LINGO2: variants seen among roughly 807,000 people sequenced by gnomAD.
LINGO2 encodes leucine-rich repeat and immunoglobulin-like domain-containing nogo receptor-interacting protein 2.
In LINGO2, 14 loss-of-function variants were observed where a neutral mutation model predicts 30.6. That is an observed-to-expected ratio of 0.46 (90% CI 0.30 to 0.72). LINGO2 has a LOEUF of 0.72. Among genes scored for constraint, LINGO2 ranks in the 30% least tolerant of loss-of-function variants. LINGO2 has a pLI of 0.07. For missense variants in LINGO2, 729 were observed against 751.7 expected (o/e 0.97, Z 0.35); for synonymous variants, 317 against 288.5 (o/e 1.10, Z -1.00).
In LINGO2 at chr9:28,561,954, G is replaced by A. The variant is rs187449732; in HGVS notation, c.-364-85929C>T. ...GCTCTCTGCTTTTCAATTTGTACTCGCTGAACTTCTATTTTTTAAACTGAA... is the reference window on the plus strand; with the variant it reads ...GCTCTCTGCTTTTCAATTTGTACTCACTGAACTTCTATTTTTTAAACTGAA... On this transcript the variant is annotated intron_variant, in intron 1 of 5. Coordinates refer to ENST00000379992, the Ensembl canonical transcript of LINGO2. Among the ~76,000 whole-genome samples, 344 of 151,160 alleles carry A rather than the reference G, an allele frequency of 2.3e-3. 2 individuals carry two copies. The highest frequency in any genetic ancestry group is 8.0e-3 in the African/African-American group (331 of 41,292).
intron 1 of LINGO2, among the ~76,000 whole-genome samples, chr9:28,557,988 G>A (rs1356192589): frequency 8.3e-6 from 1 of 120,872 alleles, no homozygotes; most frequent in East Asian, 2.6e-4. Flanking sequence ...ACACTCTGGG[G>A]ACTGTGGTGG....
intron 1 of LINGO2, among the ~76,000 whole-genome samples, chr9:28,552,650 T>G (rs1026735575): frequency 2.6e-5 from 4 of 151,842 alleles, no homozygotes; most frequent in Non-Finnish European, 5.9e-5. Context: ...TATGATTTTT[T>G]TTTTTCATGA....
the LINGO2 span, among the ~76,000 whole-genome samples, chr9:28,866,982 C>T: frequency 6.6e-6 from 1 of 152,022 alleles, no homozygotes; most frequent in Non-Finnish European, 1.5e-5. Flanking sequence ...TCAACCCACA[C>T]AAGCAAGAAA....
At chr9:28,725,239 A>G in the LINGO2 span, among the ~76,000 whole-genome samples, 50 of 152,202 alleles carry the variant, frequency 3.3e-4, no homozygotes, top group Non-Finnish European at 5.7e-4. Flanking sequence ...ACAGATACAG[A>G]AAGATAAATA....
intron 3 of LINGO2, among the ~76,000 whole-genome samples, chr9:28,315,976 T>G (rs946337173): frequency 6.6e-6 from 1 of 152,204 alleles, no homozygotes; most frequent in Admixed American, 6.5e-5. Flanking sequence ...CTGCCAATTA[T>G]CACTTACCTA....
At chr9:28,982,753 T>C in the LINGO2 span, among the ~76,000 whole-genome samples, 1 of 151,998 alleles carries the variant, frequency 6.6e-6, no homozygotes, top group Non-Finnish European at 1.5e-5. Flanking sequence ...AGGAGAATTA[T>C]TTCATGTAAT....
chr9:29,034,516 T>C, the LINGO2 span, among the ~76,000 whole-genome samples: 4 of 152,138 alleles, frequency 2.6e-5, no homozygotes, highest in Non-Finnish European at 5.9e-5. Flanking sequence ...CTCTGCCATA[T>C]TTTTGTTGCT....
the LINGO2 span, among the ~76,000 whole-genome samples, chr9:28,756,495 A>C: frequency 6.6e-5 from 10 of 151,900 alleles, no homozygotes; most frequent in Non-Finnish European, 1.3e-4. Context: ...GAAATGCATG[A>C]TTGGTTTTGA....
intron 4 of LINGO2, among the ~76,000 whole-genome samples, chr9:28,288,050 G>A (rs757995179): frequency 1.3e-5 from 2 of 152,124 alleles, no homozygotes; most frequent in Non-Finnish European, 2.9e-5. Context: ...TCATGGACCT[G>A]AACGCTCTTA....
the LINGO2 span, among the ~76,000 whole-genome samples, chr9:29,171,100 G>A: frequency 1.3e-5 from 2 of 152,082 alleles, no homozygotes; most frequent in African/African-American, 4.8e-5. Flanking sequence ...CGGACATGCA[G>A]TACTATGGAT....
chr9:28,861,951 C>T, the LINGO2 span, among the ~76,000 whole-genome samples: 5 of 152,022 alleles, frequency 3.3e-5, no homozygotes, highest in South Asian at 2.1e-4. Context: ...TTATATCTCC[C>T]GTAAACTAAA....
chr9:28,126,032 G>A (rs919862868), intron 4 of LINGO2, among the ~76,000 whole-genome samples: 1 of 151,976 alleles, frequency 6.6e-6, no homozygotes, highest in African/African-American at 2.4e-5. Context: ...TAAATAAAGG[G>A]CCTTAAATAC....
chr9:28,668,978 A>G (rs1429028245), intron 1 of LINGO2, among the ~76,000 whole-genome samples: 1 of 152,104 alleles, frequency 6.6e-6, no homozygotes, highest in Non-Finnish European at 1.5e-5. Flanking sequence ...GCAATTCACA[A>G]TTTAAATTTT....
At chr9:28,349,187 G>A (rs1427872550) in intron 3 of LINGO2, among the ~76,000 whole-genome samples, 5 of 152,164 alleles carry the variant, frequency 3.3e-5, no homozygotes, top group Admixed American at 1.3e-4. Context: ...GGCTTCAGAC[G>A]ATCAAATTAT....
rs574426430 is a variant in LINGO2 at position 28,237,121 on chromosome 9, G to GA, written c.-87+58086_-87+58087insT. Among the ~76,000 whole-genome samples the GA allele has an allele frequency of 3.3e-3, 469 of 141,268 alleles. 10 individuals carry two copies. The highest frequency in any genetic ancestry group is 0.012 in the African/African-American group (444 of 37,610). 92.7% of individuals were successfully genotyped at this position (141,268 alleles called of 152,430 possible). ...AAACAAAATAGTTAAACAGTGCGGG[G>GA]GGGGGGTAAAGTTAAATGTAGGATT... On this transcript the variant is annotated intron_variant, in intron 4 of 5. Coordinates refer to ENST00000379992, the Ensembl canonical transcript of LINGO2.
chr9:28,995,188 C>T, the LINGO2 span, among the ~76,000 whole-genome samples: 1 of 152,164 alleles, frequency 6.6e-6, no homozygotes, highest in Non-Finnish European at 1.5e-5. Context: ...AAACAAACAA[C>T]CCCATCAAAA....
At chr9:28,694,094 G>A in the LINGO2 span, among the ~76,000 whole-genome samples, 5 of 150,864 alleles carry the variant, frequency 3.3e-5, no homozygotes, top group African/African-American at 4.9e-5. Flanking sequence ...AAACTCTTAT[G>A]TAAGGCCATT....
intron 4 of LINGO2, among the ~76,000 whole-genome samples, chr9:28,257,906 T>C (rs891377153): frequency 3.3e-5 from 5 of 151,960 alleles, no homozygotes; most frequent in East Asian, 1.9e-4. Flanking sequence ...TGTACTTATA[T>C]TGGAGAATTA....
the LINGO2 span, among the ~76,000 whole-genome samples, chr9:28,678,965 G>A: frequency 2.6e-5 from 4 of 152,010 alleles, no homozygotes; most frequent in Admixed American, 6.6e-5. Context: ...ACAGATCAGC[G>A]ATTTTGGGGA....
Sources: allele counts gnomAD v4.1 joint callset (sites outside exome capture counted in the v4.1 genomes callset), GRCh38; gene constraint gnomAD v4.1.1; transcripts MANE v1.5; gene names NCBI Gene and HGNC (gene_info 2026-07-23, HGNC 2026-07-21).